The following DMD variants were observed in gnomAD, a reference collection of about 807,000 sequenced individuals.
DMD encodes the protein mutant dystrophin.
DMD carries 63 observed loss-of-function variants against 330.1 expected under a neutral mutation model. That is an observed-to-expected ratio of 0.19 (90% CI 0.16 to 0.24). DMD has a LOEUF of 0.24. DMD is among the 10% of genes least tolerant of loss of function. The pLI is 1.00. For synonymous variants in DMD, 1,223 were observed against 959.8 expected, an observed-to-expected ratio of 1.27 and a Z score of -5.07; for missense variants, 3,344 against 2,684.1, an observed-to-expected ratio of 1.25 and a Z score of -5.43.
intron 41 of DMD, among the ~76,000 whole-genome samples, chrX:32,313,543 C>T (rs12392987): frequency 0.051 from 5,618 of 110,848 alleles, 354 homozygotes; most frequent in African/African-American, 0.17. Context: ...TATTGGAAGT[C>T]CTGGCCAGGG....
chrX:31,463,677 T>C (rs1268315656), intron 59 of DMD, among the ~76,000 whole-genome samples: 2 of 111,578 alleles, frequency 1.8e-5, no homozygotes, highest in African/African-American at 6.5e-5. Context: ...TCTTAGGAAA[T>C]ATGGAATTTC....
chrX:32,715,469 C>CAAAAAAAAAAAAA (rs61325834), intron 7 of DMD, among the ~76,000 whole-genome samples: 1 of 17,216 alleles, frequency 5.8e-5, no homozygotes, highest in African/African-American at 1.7e-4. Context: ...GAGATTCCAT[C>CAAAAAAAAAAAAA]AAAAAAAAAA....
intron 9 of DMD, among the ~76,000 whole-genome samples, chrX:32,662,909 C>G (rs1006153985): frequency 8.9e-6 from 1 of 112,017 alleles, no homozygotes; most frequent in African/African-American, 3.2e-5. Flanking sequence ...ATTTTTCCCT[C>G]TGTACTGTCA....
chrX:31,902,196 C>T (rs1319943284), intron 47 of DMD, among the ~76,000 whole-genome samples: 1 of 111,840 alleles, frequency 8.9e-6, no homozygotes, highest in Non-Finnish European at 1.9e-5. Context: ...AACTTCTCTT[C>T]GTTAGAGATG....
intron 7 of DMD, among the ~76,000 whole-genome samples, chrX:32,784,604 A>G (rs780963019): frequency 8.9e-6 from 1 of 111,966 alleles, no homozygotes; most frequent in Admixed American, 9.5e-5. Context: ...AACTATAGAA[A>G]AAGTTAGGTT....
intron 34 of DMD, among the ~76,000 whole-genome samples, chrX:32,379,298 C>T (rs2097915850): frequency 9.2e-6 from 1 of 109,263 alleles, no homozygotes; most frequent in African/African-American, 3.3e-5. Context: ...GCAGACAATT[C>T]TCCAGACTAT....
At chrX:33,200,926 T>TTA (rs386416870) in intron 1 of DMD, among the ~76,000 whole-genome samples, 1 of 2,715 alleles carries the variant, frequency 3.7e-4, no homozygotes, top group Non-Finnish European at 6.6e-4. Flanking sequence ...ATCAATAGAC[T>TTA]TTTTTTTTTT....
chrX:31,482,091 G>A lies in DMD; in HGVS notation c.8548-2988C>T, dbSNP rs960725435. On this transcript the variant is annotated intron_variant, in intron 57 of 78. Coordinates refer to ENST00000357033, the MANE Select transcript of DMD (RefSeq NM_004006.3). ...TGTTGCCCTAGGGGTAAGTCTTTGG[G>A]CAAAGGAAGGGCACAGCAACAATAT... 2.7e-5 allele frequency among the ~76,000 whole-genome samples: 3 copies of A among 111,226 alleles called. No individual in the cohort carries two copies. In the Admixed American group the frequency reaches 2.9e-4, roughly 11 times the overall value.
chrX:32,894,506 T>G (rs1207923619), intron 2 of DMD, among the ~76,000 whole-genome samples: 2 of 112,510 alleles, frequency 1.8e-5, no homozygotes, highest in Non-Finnish European at 3.8e-5. Context: ...GCAGTTTATA[T>G]AGCATTTTTA....
chrX:33,211,454 T>C lies in DMD; in HGVS notation c.-142A>G. 1 of 1,138,712 alleles carries C rather than the reference T, an allele frequency of 8.8e-7. No individual in the cohort carries two copies. 93.8% of individuals were successfully genotyped at this position (1,138,712 alleles called of 1,213,427 possible). On this transcript the variant is annotated 5_prime_UTR_variant, in exon 1 of 79. Transcript: ENST00000357033. ...AAAAGTAACACTTCAGTTTTTCCTA[T>C]TCGTTTTTCTCCGAAGGTAATTGCC...
rs1307201388 is a variant in DMD, at chrX:31,961,257, G to A, written c.6614+7082C>T. 8.9e-5 allele frequency among the ~76,000 whole-genome samples: 10 copies of A among 111,878 alleles called. No individual in the cohort carries two copies. In the South Asian group the frequency reaches 3.0e-3, roughly 33 times the overall value. On this transcript the variant is annotated intron_variant, in intron 45 of 78. Transcript: ENST00000357033. ...AAGGTCAATTTCTAGAATTGCAAAC[G>A]TATCCATGGAAATGTGATAACATGA...
rs775007262 is a variant in DMD, at chrX:32,565,929, A to G, written c.1813-48T>C. 2.8e-5 allele frequency: 30 copies of G among 1,076,492 alleles called. No individual in the cohort carries two copies. In the South Asian group the frequency reaches 4.6e-4, roughly 16 times the overall value. The allele number at this position is 1,076,492 out of a possible 1,213,427, so 88.7% of individuals were successfully genotyped here. On this transcript the variant is annotated intron_variant, in intron 15 of 78. Transcript: ENST00000357033. ...AGAATAAGCCTGGGTTGCATTCCAT[A>G]CACCACTATAGTTCAATCTGCTTTT...
intron 62 of DMD, among the ~76,000 whole-genome samples, chrX:31,313,120 G>T (rs1331036636): frequency 9.9e-6 from 1 of 100,735 alleles, no homozygotes; most frequent in Non-Finnish European, 2.0e-5. Context: ...GAAGGGGGGA[G>T]ATCTCATTTT....
intron 2 of DMD, among the ~76,000 whole-genome samples, chrX:32,885,858 T>A (rs1296521707): frequency 1.9e-5 from 2 of 104,061 alleles, no homozygotes; most frequent in South Asian, 8.7e-4. Context: ...AACCTTTCCT[T>A]TCAGGTAGTA....
chrX:32,436,953 TA>T (rs35903191), intron 29 of DMD, among the ~76,000 whole-genome samples: 63 of 103,436 alleles, frequency 6.1e-4, no homozygotes, highest in East Asian at 2.4e-3. Context: ...ACCCTGTCTT[TA>T]AAAAAAAAAA....
In DMD at chrX:32,464,572, T is replaced by C; in HGVS notation, c.3276+14A>G. 1 of 1,107,380 alleles carries C rather than the reference T, an allele frequency of 9.0e-7. No individual in the cohort carries two copies. The highest frequency in any genetic ancestry group is 1.8e-5 in the African/African-American group (1 of 55,884). The allele number at this position is 1,107,380 out of a possible 1,213,427, so 91.3% of individuals were successfully genotyped here. On this transcript the variant is annotated intron_variant, in intron 24 of 78. Coordinates refer to ENST00000357033, the MANE Select transcript of DMD (RefSeq NM_004006.3). ...AAAATTATTCATATTAAAGGCATCATATAAAAATCTTACTCTGCACTGTTT... is the reference window on the plus strand; with the variant it reads ...AAAATTATTCATATTAAAGGCATCACATAAAAATCTTACTCTGCACTGTTT...
intron 41 of DMD, among the ~76,000 whole-genome samples, chrX:32,320,441 G>A (rs1016879036): frequency 1.8e-5 from 2 of 111,638 alleles, no homozygotes; most frequent in African/African-American, 6.5e-5. Flanking sequence ...TAAAAACTTA[G>A]TACATCTGTT....
chrX:32,548,623 G>T (rs2049210907), intron 16 of DMD, among the ~76,000 whole-genome samples: 1 of 111,568 alleles, frequency 9.0e-6, no homozygotes, highest in Non-Finnish European at 1.9e-5. Flanking sequence ...GTTGATTTTT[G>T]ACAGAGAAAG....
At chrX:32,885,828 A>AGG (rs141962815) in intron 2 of DMD, among the ~76,000 whole-genome samples, 2 of 5,867 alleles carry the variant, frequency 3.4e-4, no homozygotes, top group Non-Finnish European at 4.9e-4. Context: ...CTTGAGGGGG[A>AGG]AAAAAAAAAA....
Sources: allele counts gnomAD v4.1 joint callset (sites outside exome capture counted in the v4.1 genomes callset), GRCh38; gene constraint gnomAD v4.1.1; transcripts MANE v1.5; gene names NCBI Gene and HGNC (gene_info 2026-07-23, HGNC 2026-07-21).